Variants in ARHGAP39 observed in about 807,000 individuals in gnomAD.
The protein encoded by ARHGAP39 is Rho GTPase activating protein 39, also known as rho GTPase-activating protein 39.
Under a neutral mutation model 106.9 loss-of-function variants are expected in ARHGAP39, and 44 were observed. The ratio of observed to expected loss-of-function variants is 0.41; its 90% CI spans 0.32 to 0.53. The LOEUF (loss-of-function observed/expected upper bound fraction) is 0.53, where lower values mean the gene tolerates loss of function less well. ARHGAP39 is among the 20% of genes least tolerant of loss of function. The probability of loss-of-function intolerance (pLI) is 0.21; values close to 1 mark genes in which losing one functional copy is unlikely to be tolerated. For missense variants in ARHGAP39, 1,496 were observed against 1,577.3 expected (o/e 0.95, Z 0.87); for synonymous variants, 768 against 693.2 (o/e 1.11, Z -1.69).
At chr8:144,595,639 C>G (rs1322851020) in intron 2 of ARHGAP39, among the ~76,000 whole-genome samples, 4 of 152,234 alleles carry the variant, frequency 2.6e-5, no homozygotes, top group Non-Finnish European at 4.4e-5. Context: ...CAAGAGGTCC[C>G]AAGAGGCAGG....
At chr8:144,619,622 G>A (rs1051469989) in intron 1 of ARHGAP39, among the ~76,000 whole-genome samples, 6 of 150,308 alleles carry the variant, frequency 4.0e-5, no homozygotes, top group Non-Finnish European at 7.4e-5. Context: ...CCGTGTGTGA[G>A]CCTGTGTGTC....
chr8:144,533,121 G>A lies in ARHGAP39; in HGVS notation c.2888+5C>T. 1 of 1,594,992 alleles carries A rather than the reference G, an allele frequency of 6.3e-7. No homozygotes were observed. Among genetic ancestry groups the A allele is most frequent in the Non-Finnish European group, 8.5e-7 (1 of 1,171,288 alleles). On this transcript the variant is annotated splice_donor_5th_base_variant and intron_variant, in intron 9 of 11. Coordinates refer to ENST00000377307, the MANE Select transcript of ARHGAP39 (RefSeq NM_025251.3). The stretch of plus-strand genomic sequence containing the variant: ...CACACCCGGCGCCCGGGGTTGCCGT[G>A]GCACCTGAAGATGCCCTCTGTCTGG...
At chr8:144,686,911 TGACCACACACTGGCGGC>T (rs1822606661), upstream of ARHGAP39, among the ~76,000 whole-genome samples, 1 of 145,438 alleles carries the variant, frequency 6.9e-6, no homozygotes, top group Non-Finnish European at 1.5e-5. Context: ...CCCACCCCCG[TGACCACACACTGGCGGC>T]GACCATTTCC....
intron 1 of ARHGAP39, 99 bp from the exon 2 acceptor site, chr8:144,605,794 C>T (rs946686686): frequency 1.5e-4 from 95 of 652,152 alleles, no homozygotes; most frequent in Admixed American, 9.9e-4. Context: ...GGCAGGATGA[C>T]GATGGACTCC....
At chr8:144,700,170 C>T in the ARHGAP39 span, among the ~76,000 whole-genome samples, 2 of 152,346 alleles carry the variant, frequency 1.3e-5, no homozygotes, top group African/African-American at 4.8e-5. This position sits in a 1 kb window ranked among gnomAD's most constrained non-coding sequence, Gnocchi z 5.6. Context: ...TTCAGTCTCC[C>T]CCCTGGAGAT....
chr8:144,695,604 C>T, the ARHGAP39 span, among the ~76,000 whole-genome samples: 45 of 152,130 alleles, frequency 3.0e-4, no homozygotes, highest in African/African-American at 1.0e-3. Flanking sequence ...AGACGGCTAG[C>T]GCTCAAAGTT....
upstream of ARHGAP39, among the ~76,000 whole-genome samples, chr8:144,690,584 G>A (rs1011639660): frequency 6.6e-6 from 1 of 151,516 alleles, no homozygotes; most frequent in Non-Finnish European, 1.5e-5. Context: ...AACTTTTCAT[G>A]TACTTATTTG....
chr8:144,652,718 A>G lies in ARHGAP39; in HGVS notation c.-82+32968T>C, dbSNP rs1821603118. Among the ~76,000 whole-genome samples the G allele has an allele frequency of 2.0e-5, 3 of 151,906 alleles. 1 individual carries two copies. Among genetic ancestry groups the G allele is most frequent in the Admixed American group, 2.0e-4 (3 of 15,244 alleles). The stretch of plus-strand genomic sequence containing the variant: ...AGTGGGAGATAAATGATGAGAACTC[A>G]TGAACACAAAGGAAACCAGCGGACA... On this transcript the variant is annotated intron_variant, in intron 1 of 11. Transcript: ENST00000377307.
intron 1 of ARHGAP39, among the ~76,000 whole-genome samples, chr8:144,607,562 G>A (rs1368086208): frequency 4.6e-5 from 7 of 152,150 alleles, no homozygotes; most frequent in Non-Finnish European, 1.0e-4. Flanking sequence ...TATCAGTACA[G>A]CCCCCACCCC....
chr8:144,544,342 G>A (rs570168347), intron 6 of ARHGAP39, among the ~76,000 whole-genome samples: 1 of 152,370 alleles, frequency 6.6e-6, no homozygotes, highest in South Asian at 2.1e-4. Context: ...CACCTGGGCT[G>A]GGGGTAATAG....
chr8:144,636,656 A>G (rs1034421569), intron 1 of ARHGAP39, among the ~76,000 whole-genome samples: 18 of 152,282 alleles, frequency 1.2e-4, no homozygotes, highest in African/African-American at 4.1e-4. Context: ...AGCTCTGCAC[A>G]CTTGCATCTT....
chr8:144,676,686 G>A (rs1822250360), intron 1 of ARHGAP39, among the ~76,000 whole-genome samples: 1 of 152,354 alleles, frequency 6.6e-6, no homozygotes, highest in Admixed American at 6.5e-5. Context: ...CAGCCCAGAG[G>A]AAGCTCGTCC....
intron 1 of ARHGAP39, among the ~76,000 whole-genome samples, chr8:144,656,854 A>G (rs1563726429): frequency 6.6e-6 from 1 of 151,370 alleles, no homozygotes; most frequent in East Asian, 1.9e-4. Flanking sequence ...CGTATATAAG[A>G]CTGGATCTCT....
intron 1 of ARHGAP39, among the ~76,000 whole-genome samples, chr8:144,610,024 TA>T (rs1407448733): frequency 6.6e-6 from 1 of 152,228 alleles, no homozygotes; most frequent in Non-Finnish European, 1.5e-5. Context: ...GAGCAGGCTC[TA>T]AAAATTTCTT....
chr8:144,688,001 TC>T (rs1188662734), upstream of ARHGAP39, among the ~76,000 whole-genome samples: 36 of 151,722 alleles, frequency 2.4e-4, 1 homozygote, highest in South Asian at 7.3e-3. Flanking sequence ...GGTGAGCACT[TC>T]CCACCCCCAT....
At chr8:144,662,151 G>A (rs934543773) in intron 1 of ARHGAP39, among the ~76,000 whole-genome samples, 1 of 148,028 alleles carries the variant, frequency 6.8e-6, no homozygotes, top group African/African-American at 2.5e-5. Context: ...TTCCACCCTG[G>A]GTCACTTTCT....
intron 3 of ARHGAP39, among the ~76,000 whole-genome samples, chr8:144,570,189 C>T (rs1818535952): frequency 6.6e-6 from 1 of 152,184 alleles, no homozygotes; most frequent in African/African-American, 2.4e-5. Flanking sequence ...CCATTGCACC[C>T]CAGCCCGAGT....
intron 1 of ARHGAP39, among the ~76,000 whole-genome samples, chr8:144,618,018 G>A (rs922144031): frequency 2.6e-5 from 4 of 152,186 alleles, no homozygotes; most frequent in African/African-American, 9.6e-5. Context: ...CCTGGCTCAA[G>A]GGATCTGCCT....
At chr8:144,599,944 T>C (rs1350016475) in intron 2 of ARHGAP39, among the ~76,000 whole-genome samples, 1 of 151,932 alleles carries the variant, frequency 6.6e-6, no homozygotes, top group Non-Finnish European at 1.5e-5. Context: ...GAAGAAGAGA[T>C]GTGATGGAAG....
Sources: gnomAD v4.1 joint callset for allele counts (sites outside exome capture counted in the v4.1 genomes callset) on GRCh38, gnomAD v4.1.1 for gene constraint, Gnocchi (gnomAD v3.1) non-coding constraint, MANE v1.5 for transcripts, NCBI Gene and HGNC (gene_info 2026-07-23, HGNC 2026-07-21) for gene names.